KHDRBS2: variants seen among roughly 807,000 people sequenced by gnomAD.
KHDRBS2 encodes KH RNA binding domain containing, signal transduction associated 2.
KHDRBS2 carries 26 observed loss-of-function variants against 44.3 expected under a neutral mutation model. The ratio of observed to expected loss-of-function variants is 0.59; its 90% confidence interval spans 0.43 to 0.81. The LOEUF is 0.81. KHDRBS2 is among the 40% of genes least tolerant of loss of function. The probability of loss-of-function intolerance (pLI) is 0.00; values close to 1 mark genes in which losing one functional copy is unlikely to be tolerated. For synonymous variants in KHDRBS2, 194 were observed against 151.1 expected, an observed-to-expected ratio of 1.28 and a Z score of -2.08; for missense variants, 476 against 433.1, an observed-to-expected ratio of 1.10 and a Z score of -0.88.
chr6:61,791,610 C>T (rs1244000912), intron 6 of KHDRBS2, among the ~76,000 whole-genome samples: 2 of 151,258 alleles, frequency 1.3e-5, no homozygotes, highest in Non-Finnish European at 3.0e-5. Context: ...GATAAATTAT[C>T]CTAAATGAAC....
chr6:61,938,936 A>G (rs1811572503), intron 4 of KHDRBS2, among the ~76,000 whole-genome samples: 1 of 152,128 alleles, frequency 6.6e-6, no homozygotes, highest in East Asian at 1.9e-4. Flanking sequence ...AATTCTGAAA[A>G]GAGCTCTCCT....
intron 2 of KHDRBS2, among the ~76,000 whole-genome samples, chr6:62,088,532 C>T (rs1322469972): frequency 1.3e-5 from 2 of 152,200 alleles, no homozygotes; most frequent in South Asian, 2.1e-4. Flanking sequence ...CCAGTGGAGG[C>T]TGCAGAACAG....
At chr6:62,055,567 G>A (rs111315316) in intron 2 of KHDRBS2, among the ~76,000 whole-genome samples, 1,652 of 152,040 alleles carry the variant, frequency 0.011, 14 homozygotes, top group Middle Eastern at 0.02. Context: ...CTCATTCCTA[G>A]ATATATCATC....
At chr6:61,615,233 C>CAAAAAAAAAAAAAAAAAA in the KHDRBS2 span, among the ~76,000 whole-genome samples, 26 of 58,528 alleles carry the variant, frequency 4.4e-4, no homozygotes, top group African/African-American at 7.3e-4. Flanking sequence ...ACTCCATCTC[C>CAAAAAAAAAAAAAAAAAA]AAAAAAAAAA....
At chr6:61,699,030 T>C (rs1340384559) in intron 7 of KHDRBS2, among the ~76,000 whole-genome samples, 1 of 152,142 alleles carries the variant, frequency 6.6e-6, no homozygotes, top group African/African-American at 2.4e-5. Flanking sequence ...TATTTATTTA[T>C]TGGCTGTTCC....
In KHDRBS2 at chr6:61,928,205, T is replaced by C. The variant is rs150874193; in HGVS notation, c.484-26834A>G. ...ATCAACTCACATTTTGATTGCCTAT[T>C]CAAATGCAGCATATAATGCAACAAT... On this transcript the variant is annotated intron_variant, in intron 4 of 8. Coordinates refer to ENST00000281156, the MANE Select transcript of KHDRBS2 (RefSeq NM_152688.4). 2.5e-3 allele frequency among the ~76,000 whole-genome samples: 376 copies of C among 152,264 alleles called. 3 individuals are homozygous for C. The highest frequency in any genetic ancestry group is 8.4e-3 in the African/African-American group (350 of 41,580).
the KHDRBS2 span, among the ~76,000 whole-genome samples, chr6:61,546,263 A>G: frequency 6.6e-6 from 1 of 151,838 alleles, no homozygotes; most frequent in East Asian, 1.9e-4. Flanking sequence ...AATATTAAGT[A>G]TATTATAAAA....
the KHDRBS2 span, among the ~76,000 whole-genome samples, chr6:61,551,010 G>A: frequency 6.6e-6 from 1 of 152,102 alleles, no homozygotes; most frequent in Non-Finnish European, 1.5e-5. Context: ...CTGGCCTCGA[G>A]TGATATGCCT....
At chr6:62,177,458 G>T in intron 1 of KHDRBS2, 146 bp from the exon 2 acceptor site, 1 of 613,640 alleles carries the variant, frequency 1.6e-6, no homozygotes, top group Non-Finnish European at 2.7e-6. Context: ...GCCTGAAACA[G>T]CATCTCACCA....
intron 6 of KHDRBS2, among the ~76,000 whole-genome samples, chr6:61,792,722 A>G (rs1784801511): frequency 6.6e-6 from 1 of 151,966 alleles, no homozygotes; most frequent in African/African-American, 2.4e-5. Context: ...TCTGTAAGTT[A>G]GCTAGGAGTT....
At chr6:62,077,706 G>T (rs1796613005) in intron 2 of KHDRBS2, among the ~76,000 whole-genome samples, 1 of 151,976 alleles carries the variant, frequency 6.6e-6, no homozygotes, top group African/African-American at 2.4e-5. Context: ...AACTGAATGA[G>T]GGCTTGATTA....
Position 62,169,218 on chromosome 6 carries a change from T to C in KHDRBS2, c.219+7967A>G, listed in dbSNP as rs1351570464. ...ACATATATGTATATATATGTATATATACACACACACATATATATGTGTGTA... is the reference window on the plus strand; with the variant it reads ...ACATATATGTATATATATGTATATACACACACACACATATATATGTGTGTA... On this transcript the variant is annotated intron_variant, in intron 2 of 8. Coordinates refer to ENST00000281156, the MANE Select transcript of KHDRBS2 (RefSeq NM_152688.4). Among the ~76,000 whole-genome samples the C allele has an allele frequency of 4.7e-5, 7 of 148,220 alleles. No homozygotes were observed. In the East Asian group the frequency reaches 6.0e-4, roughly 13 times the overall value.
At chr6:61,984,745 T>C (rs1774700318) in intron 3 of KHDRBS2, among the ~76,000 whole-genome samples, 1 of 152,210 alleles carries the variant, frequency 6.6e-6, no homozygotes, top group Non-Finnish European at 1.5e-5. Context: ...GTAAGTAAAT[T>C]TTGTCTTTTC....
At chr6:61,564,828 T>A in the KHDRBS2 span, among the ~76,000 whole-genome samples, 1 of 152,112 alleles carries the variant, frequency 6.6e-6, no homozygotes, top group Non-Finnish European at 1.5e-5. Flanking sequence ...CCATTCTTAA[T>A]GGCCAAAGCA....
At chr6:61,968,582 G>A (rs1770636469) in intron 4 of KHDRBS2, among the ~76,000 whole-genome samples, 1 of 152,006 alleles carries the variant, frequency 6.6e-6, no homozygotes, top group Admixed American at 6.6e-5. Flanking sequence ...CTTGCTGAAT[G>A]GTAATAAGTC....
chr6:61,654,176 G>T, the KHDRBS2 span, among the ~76,000 whole-genome samples: 1 of 152,034 alleles, frequency 6.6e-6, no homozygotes, highest in Non-Finnish European at 1.5e-5. Flanking sequence ...ACTAGAAAGG[G>T]CGCTAACATT....
At chr6:61,878,927 CATA>C (rs938869899) in intron 6 of KHDRBS2, among the ~76,000 whole-genome samples, 7 of 151,942 alleles carry the variant, frequency 4.6e-5, no homozygotes, top group African/African-American at 1.4e-4. Context: ...GTTTGTAGAT[CATA>C]ATAACTCCTC....
chr6:61,857,421 T>C (rs1026799853), intron 6 of KHDRBS2, among the ~76,000 whole-genome samples: 2 of 151,970 alleles, frequency 1.3e-5, no homozygotes, highest in African/African-American at 4.8e-5. Flanking sequence ...ACCACATTCA[T>C]GATAAGAAAT....
intron 2 of KHDRBS2, among the ~76,000 whole-genome samples, chr6:62,168,541 A>C (rs1471332248): frequency 6.6e-6 from 1 of 152,164 alleles, no homozygotes; most frequent in Non-Finnish European, 1.5e-5. Flanking sequence ...TAGTAACGAA[A>C]TATAGCACAG....
Sources: gnomAD v4.1 joint callset for allele counts (sites outside exome capture counted in the v4.1 genomes callset) on GRCh38, gnomAD v4.1.1 for gene constraint, MANE v1.5 for transcripts, NCBI Gene and HGNC (gene_info 2026-07-23, HGNC 2026-07-21) for gene names.